Variants in GPHN observed in about 807,000 individuals in gnomAD.
GPHN encodes the protein gephyrin.
GPHN carries 17 observed loss-of-function variants against 95.5 expected under a neutral mutation model. The observed-to-expected ratio is 0.18, with a 90% CI of 0.12 to 0.27. The LOEUF is 0.27. Among genes scored for constraint, GPHN ranks in the 10% least tolerant of loss-of-function variants. The pLI is 1.00. For missense variants in GPHN, 660 were observed against 978.1 expected (o/e 0.67, Z 4.34); for synonymous variants, 320 against 322.5 (o/e 0.99, Z 0.08).
At chr14:67,164,655 C>A (rs2082170802) in intron 19 of GPHN, among the ~76,000 whole-genome samples, 1 of 151,952 alleles carries the variant, frequency 6.6e-6, no homozygotes, top group South Asian at 2.1e-4. Context: ...CCATGCCTGG[C>A]AAATTTTTGT....
the GPHN span, among the ~76,000 whole-genome samples, chr14:67,683,182 C>T: frequency 6.6e-6 from 1 of 152,134 alleles, no homozygotes; most frequent in East Asian, 1.9e-4. Flanking sequence ...ATTAAGAATC[C>T]ATAGCACAGG....
At chr14:67,124,749 T>C (rs188984609) in intron 17 of GPHN, among the ~76,000 whole-genome samples, 1 of 152,184 alleles carries the variant, frequency 6.6e-6, no homozygotes, top group Non-Finnish European at 1.5e-5. Context: ...AGGGAGCTTT[T>C]AAATTGTTTT....
At chr14:67,732,950 A>T in the GPHN span, among the ~76,000 whole-genome samples, 7 of 152,088 alleles carry the variant, frequency 4.6e-5, no homozygotes, top group African/African-American at 1.4e-4. Flanking sequence ...ATAATTAGAA[A>T]AAAGGAACAT....
chr14:66,513,163 C>CCA (rs2058104827), intron 1 of GPHN, among the ~76,000 whole-genome samples: 1 of 151,584 alleles, frequency 6.6e-6, no homozygotes, highest in Non-Finnish European at 1.5e-5. Flanking sequence ...GTACTATTAT[C>CCA]ATTGGTCAAA....
the GPHN span, chr14:67,674,546 T>C: frequency 6.8e-7 from 1 of 1,465,018 alleles, no homozygotes; most frequent in Non-Finnish European, 9.1e-7. Context: ...GGCCCTTTCC[T>C]AGCCCGGCGG....
At chr14:66,646,110 A>G (rs1180866345) in intron 1 of GPHN, among the ~76,000 whole-genome samples, 19 of 152,080 alleles carry the variant, frequency 1.2e-4, no homozygotes, top group Admixed American at 1.1e-3. Context: ...AACAGCAACA[A>G]AAAAAAACTA....
At chr14:67,324,897 AT>A in the GPHN span, among the ~76,000 whole-genome samples, 789 of 76,294 alleles carry the variant, frequency 0.01, 2 homozygotes, top group African/African-American at 0.031. Context: ...CCTTCCTTTC[AT>A]TTTTTTTTTT....
chr14:67,597,995 G>C, the GPHN span, among the ~76,000 whole-genome samples: 11 of 152,180 alleles, frequency 7.2e-5, no homozygotes, highest in Non-Finnish European at 1.0e-4. Context: ...TTAAGGATTT[G>C]ATCCATGTCA....
chr14:67,241,284 G>GCGGTCTCGCGGCGGCCGCAGGGGC, the GPHN span: 5 of 152,594 alleles, frequency 3.3e-5, no homozygotes, highest in African/African-American at 1.2e-4. Flanking sequence ...GGGCGCGTGC[G>GCGGTCTCGCGGCGGCCGCAGGGGC]CGGTCTCGCG....
the GPHN span, chr14:67,650,488 T>C: frequency 1.8e-6 from 1 of 559,382 alleles, no homozygotes; most frequent in Non-Finnish European, 3.2e-6. Flanking sequence ...ATGGTTTATT[T>C]CATTATCTTA....
At chr14:66,550,265 A>G (rs569955006) in intron 1 of GPHN, among the ~76,000 whole-genome samples, 2 of 152,372 alleles carry the variant, frequency 1.3e-5, no homozygotes, top group African/African-American at 2.4e-5. Context: ...GGAGGTCAAA[A>G]TGTCAACATT....
At chr14:66,646,464 T>A (rs2064749470) in intron 1 of GPHN, among the ~76,000 whole-genome samples, 1 of 151,988 alleles carries the variant, frequency 6.6e-6, no homozygotes, top group African/African-American at 2.4e-5. Flanking sequence ...TTCCAAGAAT[T>A]GAAGGTAGGG....
chr14:66,546,578 C>T (rs1472054715), intron 1 of GPHN, among the ~76,000 whole-genome samples: 1 of 152,096 alleles, frequency 6.6e-6, no homozygotes, highest in Non-Finnish European at 1.5e-5. Context: ...GAGACCAGCC[C>T]GTCCAACACA....
At chr14:67,535,116 G>A in the GPHN span, among the ~76,000 whole-genome samples, 1 of 152,186 alleles carries the variant, frequency 6.6e-6, no homozygotes, top group South Asian at 2.1e-4. Flanking sequence ...TGTGTATGGT[G>A]GGCCACGATT....
the GPHN span, among the ~76,000 whole-genome samples, chr14:67,594,607 C>T: frequency 1.3e-5 from 2 of 151,354 alleles, no homozygotes; most frequent in South Asian, 2.1e-4. Flanking sequence ...GAGCCGAGAT[C>T]GCACCACTGC....
the GPHN span, chr14:67,397,526 G>A: frequency 1.0e-5 from 7 of 679,610 alleles, no homozygotes; most frequent in South Asian, 4.7e-5. Context: ...GGTATGTGGC[G>A]GAGCCAGGAT....
chr14:67,221,899 A>G, the GPHN span: 5 of 1,506,936 alleles, frequency 3.3e-6, no homozygotes, highest in Middle Eastern at 1.7e-4. Flanking sequence ...GCTAAGAGCA[A>G]AGGAATTCAG....
At position 67,168,979 on chromosome 14, in the gene GPHN, T is replaced by C. The variant is rs747423057; in HGVS notation, c.2022T>C (p.Pro674=). ...TCACCTGCAATCTCTTTGTTGTGCC[T>C]GCACTGAGGAAAATGCAGGGCATCT... ...AVVTCNLFVV[P]ALRKMQGILD... Residue 674 remains proline (P), a synonymous_variant, in exon 21 of 23, where the codon CCT becomes CCC. Coordinates refer to ENST00000478722, the MANE Select transcript of GPHN (RefSeq NM_020806.5). The C allele has an allele frequency of 3.0e-5, 48 of 1,613,654 alleles. No homozygotes were observed. Among genetic ancestry groups the C allele is most frequent in the Non-Finnish European group, 4.1e-5 (48 of 1,179,676 alleles).
At chr14:67,489,381 C>G in the GPHN span, among the ~76,000 whole-genome samples, 23 of 152,224 alleles carry the variant, frequency 1.5e-4, no homozygotes, top group African/African-American at 5.5e-4. Flanking sequence ...GTCTTCAAGT[C>G]AGTGTAAACT....
Sources: gnomAD v4.1 joint callset for allele counts (sites outside exome capture counted in the v4.1 genomes callset) on GRCh38, gnomAD v4.1.1 for gene constraint, MANE v1.5 for transcripts, NCBI Gene and HGNC (gene_info 2026-07-23, HGNC 2026-07-21) for gene names.